JADE1: variants seen among roughly 807,000 people sequenced by gnomAD.
The protein encoded by JADE1 is protein Jade-1.
Under a neutral mutation model 81.8 loss-of-function variants are expected in JADE1, and 14 were observed. That is an observed-to-expected ratio of 0.17 (90% CI 0.11 to 0.27). The LOEUF (loss-of-function observed/expected upper bound fraction) is 0.27. JADE1 is among the 10% of genes least tolerant of loss of function. The pLI, the probability that JADE1 is intolerant of heterozygous loss-of-function variation, is 1.00. For missense variants in JADE1, 690 were observed against 1,047.9 expected (o/e 0.66, Z 4.71); for synonymous variants, 353 against 391.9 (o/e 0.90, Z 1.17).
chr4:128,823,732 T>C (rs1285775632), intron 1 of JADE1, among the ~76,000 whole-genome samples: 1 of 152,248 alleles, frequency 6.6e-6, no homozygotes, highest in Admixed American at 6.5e-5. Flanking sequence ...TGACTTTATT[T>C]TTGACTAGAT....
intron 1 of JADE1, among the ~76,000 whole-genome samples, chr4:128,812,405 C>G (rs1355301635): frequency 6.6e-6 from 1 of 151,922 alleles, no homozygotes; most frequent in African/African-American, 2.4e-5. Context: ...GGAGCGTTCG[C>G]CGCTGCGGGG....
At chr4:128,824,929 A>G (rs986883885) in intron 1 of JADE1, among the ~76,000 whole-genome samples, 7 of 152,224 alleles carry the variant, frequency 4.6e-5, no homozygotes, top group African/African-American at 1.7e-4. Flanking sequence ...CTGTTCCACC[A>G]CAGAGAGTAA....
At chr4:128,815,573 A>G (rs1343732044) in intron 1 of JADE1, among the ~76,000 whole-genome samples, 1 of 152,232 alleles carries the variant, frequency 6.6e-6, no homozygotes, top group East Asian at 1.9e-4. Flanking sequence ...ACTTGTTGGA[A>G]AAAGATTTAT....
At chr4:128,843,692 C>A (rs1729639494) in intron 3 of JADE1, among the ~76,000 whole-genome samples, 1 of 152,164 alleles carries the variant, frequency 6.6e-6, no homozygotes, top group South Asian at 2.1e-4. Context: ...CGAAGAAAAA[C>A]ATTTTATTTT....
intron 6 of JADE1, among the ~76,000 whole-genome samples, chr4:128,854,972 A>G (rs778210561): frequency 3.9e-5 from 6 of 152,072 alleles, no homozygotes; most frequent in Non-Finnish European, 7.4e-5. Flanking sequence ...AATTTGTTTT[A>G]AATACCAGCT....
At chr4:128,844,313 G>T (rs73850010) in intron 3 of JADE1, among the ~76,000 whole-genome samples, 3,581 of 152,232 alleles carry the variant, frequency 0.024, 146 homozygotes, top group African/African-American at 0.081. Flanking sequence ...AGCAGCACGG[G>T]TTGCTGTGCT....
intron 2 of JADE1, among the ~76,000 whole-genome samples, chr4:128,837,685 C>G (rs17013777): frequency 0.022 from 3,345 of 152,290 alleles, 104 homozygotes; most frequent in African/African-American, 0.072. Flanking sequence ...ATGCGTTTGT[C>G]AGGTCTGTGT....
chr4:128,826,646 C>G (rs1280231521), intron 1 of JADE1, among the ~76,000 whole-genome samples: 9 of 151,912 alleles, frequency 5.9e-5, no homozygotes, highest in African/African-American at 2.2e-4. Context: ...GATAATATGC[C>G]TGCCTCGGCC....
chr4:128,864,802 G>A (rs1731661142), intron 9 of JADE1: 1 of 175,322 alleles, frequency 5.7e-6, no homozygotes, highest in Non-Finnish European at 1.1e-5. Context: ...TAATTATGGT[G>A]ACTGCTCTTC....
In JADE1 at chr4:128,815,050, C is replaced by CT. The variant is rs869103655; in HGVS notation, c.-27+5190dup. Among the ~76,000 whole-genome samples the CT allele has an allele frequency of 8.9e-3, 1,225 of 137,414 alleles. 26 individuals carry two copies. The highest frequency in any genetic ancestry group is 0.027 in the African/African-American group (1,010 of 36,784). 90.1% of individuals were successfully genotyped at this position (137,414 alleles called of 152,430 possible). A position where few individuals can be genotyped will look rare whatever the true frequency, so the allele number is the denominator to read the frequency against. On this transcript the variant is annotated intron_variant, in intron 1 of 10. Coordinates refer to ENST00000226319, the MANE Select transcript of JADE1 (RefSeq NM_199320.4). The stretch of plus-strand genomic sequence containing the variant: ...TTAAGTCGATTTTAATCTTAAGTAA[C>CT]TTTTTTTTTTTTTTTTTGAGACGGA...
chr4:128,869,487 G>A (rs1732029596), intron 10 of JADE1, among the ~76,000 whole-genome samples: 2 of 152,168 alleles, frequency 1.3e-5, no homozygotes, highest in African/African-American at 2.4e-5. Flanking sequence ...TGCCATTGGA[G>A]GGCTTTCTGC....
intron 2 of JADE1, among the ~76,000 whole-genome samples, chr4:128,837,958 A>G (rs1729116454): frequency 1.3e-5 from 2 of 152,220 alleles, no homozygotes; most frequent in South Asian, 2.1e-4. Flanking sequence ...GAAGCTTATC[A>G]CACACCAGCT....
chr4:128,836,174 C>T (rs1201780141), intron 2 of JADE1, among the ~76,000 whole-genome samples: 1 of 152,278 alleles, frequency 6.6e-6, no homozygotes, highest in African/African-American at 2.4e-5. Context: ...TAACTACTTT[C>T]AGTACAGTTG....
intron 1 of JADE1, among the ~76,000 whole-genome samples, chr4:128,824,307 T>A (rs1314738967): frequency 6.6e-6 from 1 of 151,936 alleles, no homozygotes; most frequent in Admixed American, 6.6e-5. Context: ...GGCAGGCGCC[T>A]GTAGTCCCAG....
intron 1 of JADE1, chr4:128,827,845 A>G (rs1258068149): frequency 1.0e-6 from 1 of 984,080 alleles, no homozygotes; most frequent in African/African-American, 1.7e-5. Context: ...AATTGGCTAT[A>G]AGGTGAGAAT....
chr4:128,811,915 C>CGCCGCT (rs1200434419), intron 1 of JADE1: 21 of 151,472 alleles, frequency 1.4e-4, no homozygotes, highest in Non-Finnish European at 4.4e-5. Flanking sequence ...AGCTCCTCGC[C>CGCCGCT]GCCGCTGCCG....
chr4:128,857,578 G>A, intron 8 of JADE1, 124 bp downstream of exon 8: 2 of 737,720 alleles, frequency 2.7e-6, no homozygotes, highest in South Asian at 3.5e-5. Context: ...AGCAGGACGA[G>A]GTTCCCAAGG....
chr4:128,851,852 TG>T (rs531093076), intron 5 of JADE1, among the ~76,000 whole-genome samples: 1 of 152,062 alleles, frequency 6.6e-6, no homozygotes, highest in Non-Finnish European at 1.5e-5. Flanking sequence ...TTTGTAGAGA[TG>T]GGGTTCCACT....
Position 128,867,845 on chromosome 4 carries a change from C to T in JADE1, c.1504-11C>T, listed in dbSNP as rs1731894983. 6.4e-7 allele frequency: 1 copy of T among 1,553,970 alleles called. No individual in the cohort carries two copies. Among genetic ancestry groups the T allele is most frequent in the Non-Finnish European group, 8.9e-7 (1 of 1,125,616 alleles). Reference sequence around the variant, plus strand: ...ATTGCTTACTTAGAATCTTTATTCTCTACATTCTAGGTTCGGAACCTCACT... The same window carrying T: ...ATTGCTTACTTAGAATCTTTATTCTTTACATTCTAGGTTCGGAACCTCACT... On this transcript the variant is annotated splice_polypyrimidine_tract_variant and intron_variant, in intron 9 of 10. Coordinates refer to ENST00000226319, the MANE Select transcript of JADE1 (RefSeq NM_199320.4).
Sources: allele counts gnomAD v4.1 joint callset (sites outside exome capture counted in the v4.1 genomes callset), GRCh38; gene constraint gnomAD v4.1.1; transcripts MANE v1.5; gene names NCBI Gene and HGNC (gene_info 2026-07-23, HGNC 2026-07-21).